GLIS3: variants seen among roughly 807,000 people sequenced by gnomAD.
The protein encoded by GLIS3 is GLIS family zinc finger 3, also known as zinc finger protein GLIS3.
In GLIS3, 53 loss-of-function variants were observed where a neutral mutation model predicts 78.6. The ratio of observed to expected loss-of-function variants is 0.67; its 90% CI spans 0.54 to 0.85. The LOEUF is 0.85. GLIS3 is among the 40% of genes least tolerant of loss of function. The pLI, the probability that GLIS3 is intolerant of heterozygous loss-of-function variation, is 0.00. For synonymous variants in GLIS3, 684 were observed against 509.9 expected (o/e 1.34, Z -4.60); for missense variants, 1,703 against 1,231.1 (o/e 1.38, Z -5.74).
chr9:3,829,160 G>A, intron 10 of GLIS3, 150 bp downstream of exon 10: 1 of 681,732 alleles, frequency 1.5e-6, no homozygotes, highest in Non-Finnish European at 2.7e-6. Flanking sequence ...TGGAGGGGAA[G>A]GTGGAGATGA....
chr9:4,265,347 G>T (rs558336189), intron 2 of GLIS3, among the ~76,000 whole-genome samples: 1 of 149,904 alleles, frequency 6.7e-6, no homozygotes, highest in South Asian at 2.1e-4. Context: ...ATAATGTATC[G>T]CCTTATTTAA....
At chr9:4,085,390 C>T (rs1828932470) in intron 4 of GLIS3, among the ~76,000 whole-genome samples, 1 of 152,010 alleles carries the variant, frequency 6.6e-6, no homozygotes, top group Non-Finnish European at 1.5e-5. Flanking sequence ...TCTTCCTGTA[C>T]CAGCAGAGCT....
rs1351866198 is a variant in GLIS3, at chr9:3,841,036, G to T, written c.2474-11544C>A. Among the ~76,000 whole-genome samples, 3 of 152,168 alleles carry T rather than the reference G, an allele frequency of 2.0e-5. No homozygotes were observed. In the East Asian group the frequency reaches 5.8e-4, roughly 29 times the overall value. On this transcript the variant is annotated intron_variant, in intron 9 of 10. Coordinates refer to ENST00000381971, the MANE Select transcript of GLIS3 (RefSeq NM_001042413.2). ...AAGGGGATGGGAACGGGCAGAGCAGGTGGCTAAAAGCGACAATAGGGAAAT... is the reference window on the plus strand; with the variant it reads ...AAGGGGATGGGAACGGGCAGAGCAGTTGGCTAAAAGCGACAATAGGGAAAT...
At chr9:4,459,117 G>A in the GLIS3 span, among the ~76,000 whole-genome samples, 2 of 152,160 alleles carry the variant, frequency 1.3e-5, no homozygotes. Flanking sequence ...ATGTGTAGGG[G>A]GCAAGAGTGG....
At chr9:4,291,171 A>G (rs1815942624) in intron 1 of GLIS3, among the ~76,000 whole-genome samples, 1 of 152,154 alleles carries the variant, frequency 6.6e-6, no homozygotes, top group Non-Finnish European at 1.5e-5. Context: ...GAATATGAAT[A>G]TATTTATTCT....
At chr9:4,024,921 G>A (rs1039974483) in intron 4 of GLIS3, among the ~76,000 whole-genome samples, 1 of 152,040 alleles carries the variant, frequency 6.6e-6, no homozygotes, top group Non-Finnish European at 1.5e-5. Flanking sequence ...TTCATCACTC[G>A]ATCCCTAGCA....
chr9:4,313,811 T>C (rs775072188), intron 2 of GLIS3, among the ~76,000 whole-genome samples: 25 of 152,210 alleles, frequency 1.6e-4, no homozygotes, highest in Non-Finnish European at 3.4e-4. Flanking sequence ...CTCCCTTGCA[T>C]TTTCCACTGG....
chr9:4,465,194 G>T, the GLIS3 span, among the ~76,000 whole-genome samples: 1 of 152,222 alleles, frequency 6.6e-6, no homozygotes, highest in Admixed American at 6.5e-5. Context: ...ACCAGAGAAA[G>T]GATAATCCTG....
intron 2 of GLIS3, among the ~76,000 whole-genome samples, chr9:4,239,103 T>A (rs951757441): frequency 3.5e-5 from 5 of 143,348 alleles, no homozygotes; most frequent in African/African-American, 1.3e-4. Context: ...GACATTTGGG[T>A]TGGTTCCAAG....
rs746360951 is a variant in GLIS3 at position 3,879,501 on chromosome 9, A to T, written c.2223T>A (p.His741Gln). 8 of 1,614,104 alleles carry T rather than the reference A, an allele frequency of 5.0e-6. No homozygotes were observed. The Admixed American group carries it at 1.3e-4, about 27-fold the overall frequency. Residue 741 changes from histidine (H) to glutamine (Q), a missense_variant, in exon 8 of 11, where the codon CAT (histidine) becomes CAA (glutamine). Transcript: ENST00000381971. The part of the protein sequence containing the change: ...PHPVSHPSPG[H>Q]NVQGSPHNPS... ...GGTTGTGAGGGCTCCCCTGTACATT[A>T]TGTCCTGGAGAAGGGTGACTGACAG... is the stretch of plus-strand genomic sequence containing the variant.
chr9:3,991,912 G>C (rs1406039251), intron 4 of GLIS3, among the ~76,000 whole-genome samples: 2 of 151,938 alleles, frequency 1.3e-5, no homozygotes, highest in Non-Finnish European at 2.9e-5. Context: ...GGACAGTCTT[G>C]ATCTCCTGAC....
At chr9:3,840,910 G>T (rs1805967913) in intron 9 of GLIS3, among the ~76,000 whole-genome samples, 1 of 152,180 alleles carries the variant, frequency 6.6e-6, no homozygotes, top group African/African-American at 2.4e-5. Flanking sequence ...ATTTATCACT[G>T]TGAACCACAT....
At chr9:4,489,607 A>T in the GLIS3 span, among the ~76,000 whole-genome samples, 5 of 152,152 alleles carry the variant, frequency 3.3e-5, no homozygotes, top group African/African-American at 1.2e-4. Context: ...AGCAACACCA[A>T]ATATATTTGG....
chr9:4,148,445 CT>C (rs1834397654), intron 2 of GLIS3, among the ~76,000 whole-genome samples: 1 of 152,100 alleles, frequency 6.6e-6, no homozygotes, highest in South Asian at 2.1e-4. Flanking sequence ...TTCCATATTC[CT>C]TCCTCCAATG....
intron 2 of GLIS3, among the ~76,000 whole-genome samples, chr9:4,240,583 C>A (rs1358238284): frequency 6.6e-6 from 1 of 152,118 alleles, no homozygotes; most frequent in South Asian, 2.1e-4. Flanking sequence ...ACTAATATTA[C>A]ACTTTATCTT....
chr9:4,037,462 C>T (rs1824414494), intron 4 of GLIS3, among the ~76,000 whole-genome samples: 1 of 152,034 alleles, frequency 6.6e-6, no homozygotes, highest in Non-Finnish European at 1.5e-5. Context: ...ATGTTATACA[C>T]ATGTTTTATA....
At chr9:4,357,880 T>C in the GLIS3 span, among the ~76,000 whole-genome samples, 1 of 152,226 alleles carries the variant, frequency 6.6e-6, no homozygotes, top group South Asian at 2.1e-4. Context: ...TGGACAAAGA[T>C]GTTTGCTGTT....
the GLIS3 span, among the ~76,000 whole-genome samples, chr9:4,470,076 G>T: frequency 6.6e-6 from 1 of 152,126 alleles, no homozygotes; most frequent in African/African-American, 2.4e-5. Context: ...TCTCTGAATA[G>T]ACCAATAACA....
At chr9:4,418,403 C>CTTT in the GLIS3 span, among the ~76,000 whole-genome samples, 1 of 152,184 alleles carries the variant, frequency 6.6e-6, no homozygotes, top group Non-Finnish European at 1.5e-5. Context: ...ACAGGATTTG[C>CTTT]TCTATCTGTA....
Sources: allele counts gnomAD v4.1 joint callset (sites outside exome capture counted in the v4.1 genomes callset), GRCh38; gene constraint gnomAD v4.1.1; transcripts MANE v1.5; gene names NCBI Gene and HGNC (gene_info 2026-07-23, HGNC 2026-07-21).